LMO7: variants seen among roughly 807,000 people sequenced by gnomAD.
LMO7 encodes LIM domain 7.
A neutral mutation model predicts 206.5 loss-of-function variants in LMO7; 120 were observed. The observed-to-expected ratio is 0.58, with a 90% CI of 0.50 to 0.68. The LOEUF (loss-of-function observed/expected upper bound fraction) is 0.68. LMO7 is among the 30% of genes least tolerant of loss of function. The pLI is 0.00. For synonymous variants in LMO7, 706 were observed against 681.5 expected (o/e 1.04, Z -0.56); for missense variants, 1,959 against 1,957.9 (o/e 1.00, Z -0.01).
At chr13:75,623,980 T>G (rs1431563530) in intron 2 of LMO7, among the ~76,000 whole-genome samples, 1 of 152,204 alleles carries the variant, frequency 6.6e-6, no homozygotes, top group Admixed American at 6.5e-5. Flanking sequence ...TCCTATAATT[T>G]TCAAATAGAA....
intron 1 of LMO7, among the ~76,000 whole-genome samples, chr13:75,674,038 A>AT (rs769086739): frequency 4.6e-5 from 7 of 152,166 alleles, no homozygotes; most frequent in African/African-American, 7.2e-5. Context: ...TTTCAACTGA[A>AT]TTTTTTCAGA....
At chr13:75,806,122 A>T in intron 9 of LMO7, 7 of 1,034,112 alleles carry the variant, frequency 6.8e-6, no homozygotes, top group Non-Finnish European at 8.1e-6. Context: ...CGTTTTTAGT[A>T]GAGCACAAAA....
chr13:75,635,434 C>T (rs1646487901), upstream of LMO7, among the ~76,000 whole-genome samples: 1 of 152,126 alleles, frequency 6.6e-6, no homozygotes. Context: ...GCCTCCCGCC[C>T]CGCCCCCAAC....
chr13:75,841,302 T>G lies in LMO7; in HGVS notation c.3675+101T>G. 4.0e-6 allele frequency: 3 copies of G among 744,552 alleles called. No homozygotes were observed. In the Admixed American group the frequency reaches 8.1e-5, roughly 20 times the overall value. The allele number at this position is 744,552 out of a possible 1,614,324, so 46.1% of individuals were successfully genotyped here. On this transcript the variant is annotated intron_variant, in intron 23 of 30. Coordinates refer to ENST00000377534, the MANE Select transcript of LMO7 (RefSeq NM_001306080.2). ...CTTCATTTTTCTCCACCTTTGACCA[T>G]ATGTTCACCTGTGTAGCTCTTTGAA...
chr13:75,796,126 T>G (rs747828123), intron 5 of LMO7, among the ~76,000 whole-genome samples: 8 of 152,226 alleles, frequency 5.3e-5, no homozygotes, highest in Non-Finnish European at 1.0e-4. Context: ...ATTTAGACTT[T>G]AAGGAAAAGC....
intron 24 of LMO7, 25 bp from the exon 25 acceptor site, chr13:75,842,826 A>G (rs1210668255): frequency 1.4e-6 from 2 of 1,473,302 alleles, no homozygotes; most frequent in Non-Finnish European, 1.9e-6. Context: ...ATATTTTGAC[A>G]ACAAAATCTT....
chr13:75,663,995 T>C (rs1274515070), intron 1 of LMO7, among the ~76,000 whole-genome samples: 1 of 152,210 alleles, frequency 6.6e-6, no homozygotes, highest in African/African-American at 2.4e-5. Flanking sequence ...AATCCAATTA[T>C]ACTCTTTCAG....
rs377028119 is a variant in LMO7 at position 75,657,057 on chromosome 13, G to A, written c.69+20331G>A. Reference sequence around the variant, plus strand: ...GTATCTTTATAAAAAGGGTAGATTTGGATACAGAGGCAGACATGCACAGAG... The same window carrying A: ...GTATCTTTATAAAAAGGGTAGATTTAGATACAGAGGCAGACATGCACAGAG... On this transcript the variant is annotated intron_variant, in intron 1 of 30. Transcript: ENST00000377534. Among the ~76,000 whole-genome samples, 45 of 152,284 alleles carry A rather than the reference G, an allele frequency of 3.0e-4. 1 individual carries two copies. Among genetic ancestry groups the A allele is most frequent in the African/African-American group, 1.0e-3 (42 of 41,548 alleles).
At chr13:75,667,399 G>A (rs552573191) in intron 1 of LMO7, among the ~76,000 whole-genome samples, 9 of 152,180 alleles carry the variant, frequency 5.9e-5, no homozygotes, top group African/African-American at 1.7e-4. Flanking sequence ...ATCCAGTAAT[G>A]TTAGCTATTT....
intron 3 of LMO7, among the ~76,000 whole-genome samples, chr13:75,746,897 A>G (rs149505288): frequency 3.7e-4 from 56 of 152,182 alleles, no homozygotes; most frequent in African/African-American, 1.3e-3. Flanking sequence ...CAAGAAGCCA[A>G]AATATTTAAA....
At chr13:75,791,376 G>A (rs973565103) in intron 4 of LMO7, among the ~76,000 whole-genome samples, 3 of 152,122 alleles carry the variant, frequency 2.0e-5, no homozygotes, top group Admixed American at 1.3e-4. Context: ...TTTGAAGTAG[G>A]TTAATGCAAT....
chr13:75,776,172 TATATATATATATATATATATA>T (rs2050414842), intron 4 of LMO7, among the ~76,000 whole-genome samples: 1 of 47,166 alleles, frequency 2.1e-5, no homozygotes, highest in Non-Finnish European at 4.1e-5. Context: ...GATATATATA[TATATATATATATATATATATA>T]TATATATATA....
chr13:75,681,736 A>ATATATATATATG (rs1555293419), intron 1 of LMO7, among the ~76,000 whole-genome samples: 2 of 133,220 alleles, frequency 1.5e-5, no homozygotes, highest in Admixed American at 1.5e-4. Flanking sequence ...ATATATATAT[A>ATATATATATATG]TATATATATA....
At chr13:75,756,228 T>A (rs545943) in intron 3 of LMO7, among the ~76,000 whole-genome samples, 1 of 152,150 alleles carries the variant, frequency 6.6e-6, no homozygotes, top group African/African-American at 2.4e-5. Context: ...GAAGAGCTAC[T>A]CTTGAAGAGA....
intron 1 of LMO7, among the ~76,000 whole-genome samples, chr13:75,651,032 C>T (rs1484159966): frequency 6.6e-6 from 1 of 152,140 alleles, no homozygotes. Flanking sequence ...ATTTATAAAA[C>T]TGCCTGTTTT....
At chr13:75,730,189 T>C (rs2044996678) in intron 3 of LMO7, among the ~76,000 whole-genome samples, 1 of 152,184 alleles carries the variant, frequency 6.6e-6, no homozygotes, top group Non-Finnish European at 1.5e-5. Flanking sequence ...ATTGGAATAG[T>C]TTCAGAAGGA....
At chr13:75,760,495 C>A in intron 3 of LMO7, 2 of 1,275,988 alleles carry the variant, frequency 1.6e-6, no homozygotes, top group Non-Finnish European at 2.0e-6. Flanking sequence ...CCTCTTATTT[C>A]TTCCCTGCCA....
intron 2 of LMO7, among the ~76,000 whole-genome samples, chr13:75,623,683 T>A (rs573022549): frequency 1.1e-3 from 166 of 151,226 alleles, no homozygotes; most frequent in African/African-American, 3.5e-3. Context: ...AAAAAAAAAA[T>A]AATTAAATTG....
chr13:75,782,749 T>G (rs918653286), intron 4 of LMO7, among the ~76,000 whole-genome samples: 2 of 152,218 alleles, frequency 1.3e-5, no homozygotes, highest in Non-Finnish European at 2.9e-5. Context: ...GGCTCCTGGC[T>G]GCATCACTGC....
Sources: gnomAD v4.1 joint callset for allele counts (sites outside exome capture counted in the v4.1 genomes callset) on GRCh38, gnomAD v4.1.1 for gene constraint, MANE v1.5 for transcripts, NCBI Gene and HGNC (gene_info 2026-07-23, HGNC 2026-07-21) for gene names.